The following ANKS1B variants were observed in gnomAD, a reference collection of about 807,000 sequenced individuals.
The protein encoded by ANKS1B is ankyrin repeat and sterile alpha motif domain-containing protein 1B.
Under a neutral mutation model 148.3 loss-of-function variants are expected in ANKS1B, and 36 were observed. The ratio of observed to expected loss-of-function variants is 0.24; its 90% confidence interval spans 0.19 to 0.32. The LOEUF (loss-of-function observed/expected upper bound fraction) is 0.32. Ranked by LOEUF, ANKS1B falls within the 10% of genes least tolerant of loss-of-function variation. The pLI is 1.00. For missense variants in ANKS1B, 1,157 were observed against 1,542.6 expected (o/e 0.75, Z 4.19); for synonymous variants, 542 against 560.8 (o/e 0.97, Z 0.47).
At chr12:99,390,170 A>G (rs926844658) in intron 12 of ANKS1B, among the ~76,000 whole-genome samples, 3 of 152,232 alleles carry the variant, frequency 2.0e-5, no homozygotes, top group African/African-American at 7.2e-5. Flanking sequence ...ATGAAGCTAC[A>G]TTAATTAAGC....
chr12:99,984,004 G>T, intron 1 of ANKS1B, 100 bp downstream of exon 1: 1 of 1,058,120 alleles, frequency 9.5e-7, no homozygotes, highest in Non-Finnish European at 1.4e-6. Context: ...AGAATGAATC[G>T]CTGGCAGCCA....
intron 15 of ANKS1B, among the ~76,000 whole-genome samples, chr12:99,133,605 C>T (rs1257750462): frequency 1.3e-5 from 2 of 152,198 alleles, no homozygotes; most frequent in African/African-American, 4.8e-5. Context: ...AACCCACAAT[C>T]ATGTTTATAA....
chr12:99,926,700 C>T (rs950927224), intron 1 of ANKS1B, among the ~76,000 whole-genome samples: 1 of 152,178 alleles, frequency 6.6e-6, no homozygotes, highest in Non-Finnish European at 1.5e-5. Flanking sequence ...TGCACATATC[C>T]TATTGGCTCT....
chr12:99,650,879 TA>T (rs1467218166), intron 9 of ANKS1B, among the ~76,000 whole-genome samples: 2 of 142,336 alleles, frequency 1.4e-5, no homozygotes, highest in East Asian at 4.5e-4. Flanking sequence ...TGCTCGAGTC[TA>T]AAGTAATACA....
intron 17 of ANKS1B, among the ~76,000 whole-genome samples, chr12:98,914,893 T>C (rs2099792087): frequency 6.6e-6 from 1 of 152,238 alleles, no homozygotes. Flanking sequence ...TCTGCTTTTC[T>C]CTAGAGCACT....
chr12:98,847,276 C>T (rs1251661068), intron 17 of ANKS1B, among the ~76,000 whole-genome samples: 4 of 152,136 alleles, frequency 2.6e-5, no homozygotes, highest in African/African-American at 9.7e-5. Context: ...CATTTCTGCC[C>T]CCAGCCCCTG....
chr12:98,746,599 T>G (rs1427423797), intron 26 of ANKS1B, among the ~76,000 whole-genome samples: 1 of 152,254 alleles, frequency 6.6e-6, no homozygotes, highest in African/African-American at 2.4e-5. Context: ...ACATATTTAT[T>G]TGTTCATCCT....
chr12:99,856,350 T>C (rs2089066525), intron 1 of ANKS1B, among the ~76,000 whole-genome samples: 1 of 151,972 alleles, frequency 6.6e-6, no homozygotes, highest in South Asian at 2.1e-4. Flanking sequence ...ACAGCCCTCC[T>C]ACATTAAACC....
chr12:99,000,009 C>T (rs1225612270), intron 17 of ANKS1B, among the ~76,000 whole-genome samples: 8 of 151,838 alleles, frequency 5.3e-5, no homozygotes, highest in Non-Finnish European at 1.2e-4. Context: ...TTTCAGTTTA[C>T]AAGAATAAAG....
intron 10 of ANKS1B, among the ~76,000 whole-genome samples, chr12:99,447,526 A>G (rs897779310): frequency 4.6e-5 from 7 of 151,880 alleles, no homozygotes; most frequent in African/African-American, 1.5e-4. Flanking sequence ...ACAGAGAAAA[A>G]CCTCCACAAC....
intron 17 of ANKS1B, among the ~76,000 whole-genome samples, chr12:98,963,622 C>T (rs2099875410): frequency 6.6e-6 from 1 of 152,146 alleles, no homozygotes; most frequent in East Asian, 1.9e-4. Flanking sequence ...ACCTTACAAG[C>T]ACAGGCAACC....
intron 1 of ANKS1B, among the ~76,000 whole-genome samples, chr12:99,826,376 C>A (rs1188933728): frequency 6.6e-6 from 1 of 152,044 alleles, no homozygotes; most frequent in Non-Finnish European, 1.5e-5. Context: ...AATAGCTATT[C>A]CAAACAAGGG....
At chr12:99,612,784 T>C (rs918286212) in intron 9 of ANKS1B, among the ~76,000 whole-genome samples, 3 of 152,178 alleles carry the variant, frequency 2.0e-5, no homozygotes, top group Admixed American at 6.6e-5. Context: ...TAAAACATTA[T>C]TCTTTGCATT....
intron 9 of ANKS1B, among the ~76,000 whole-genome samples, chr12:99,596,636 G>A (rs2097760786): frequency 6.6e-6 from 1 of 151,832 alleles, no homozygotes; most frequent in African/African-American, 2.4e-5. Context: ...CCATAATTGT[G>A]AGACCAAAAA....
chr12:99,752,930 CAT>C (rs1029342901), intron 8 of ANKS1B, among the ~76,000 whole-genome samples: 6 of 151,968 alleles, frequency 3.9e-5, no homozygotes, highest in African/African-American at 7.2e-5. Context: ...TGTACTTAGT[CAT>C]AGTCATACCC....
intron 16 of ANKS1B, among the ~76,000 whole-genome samples, chr12:99,071,740 C>T (rs1017424607): frequency 1.4e-4 from 22 of 151,918 alleles, no homozygotes; most frequent in African/African-American, 2.4e-4. Context: ...CTCCACCTCC[C>T]GGGTTCAAGT....
chr12:98,951,295 A>C (rs1406590033), intron 17 of ANKS1B, among the ~76,000 whole-genome samples: 1 of 152,156 alleles, frequency 6.6e-6, no homozygotes, highest in Admixed American at 6.6e-5. Flanking sequence ...AAGAGAGGGG[A>C]TCACTTCTAT....
chr12:99,550,050 C>T (rs543145153), intron 9 of ANKS1B, among the ~76,000 whole-genome samples: 11 of 152,290 alleles, frequency 7.2e-5, no homozygotes, highest in African/African-American at 2.6e-4. Flanking sequence ...TCCAATAAAC[C>T]TGTGTTGTTG....
At chr12:99,886,591 T>C (rs947065189) in intron 1 of ANKS1B, among the ~76,000 whole-genome samples, 2 of 152,180 alleles carry the variant, frequency 1.3e-5, no homozygotes, top group African/African-American at 4.8e-5. Context: ...ACAAAGTTTC[T>C]TAGCAAATGT....
Sources: allele counts gnomAD v4.1 joint callset (sites outside exome capture counted in the v4.1 genomes callset), GRCh38; gene constraint gnomAD v4.1.1; transcripts MANE v1.5; gene names NCBI Gene and HGNC (gene_info 2026-07-23, HGNC 2026-07-21).